The following GRIA1 variants were observed in gnomAD, a reference collection of about 807,000 sequenced individuals.
GRIA1 encodes the protein glutamate ionotropic receptor AMPA type subunit 1, also known as glutamate receptor 1.
Under a neutral mutation model 99.2 loss-of-function variants are expected in GRIA1, and 31 were observed. The observed-to-expected ratio is 0.31, with a 90% CI of 0.23 to 0.42. The LOEUF is 0.42. GRIA1 is among the 10% of genes least tolerant of loss of function. The probability of loss-of-function intolerance (pLI) is 1.00; values close to 1 mark genes in which losing one functional copy is unlikely to be tolerated. For synonymous variants in GRIA1, 438 were observed against 432.4 expected, an observed-to-expected ratio of 1.01 and a Z score of -0.16; for missense variants, 782 against 1,157.5, an observed-to-expected ratio of 0.68 and a Z score of 4.71.
chr5:153,704,266 G>T (rs1402868681), intron 10 of GRIA1, among the ~76,000 whole-genome samples: 1 of 152,242 alleles, frequency 6.6e-6, no homozygotes, highest in Non-Finnish European at 1.5e-5. Context: ...CTGGGCTGTT[G>T]TACAGCATAA....
chr5:153,679,038 C>A lies in GRIA1; in HGVS notation c.1029+1877C>A, dbSNP rs569060773. ...GTAGTGTATACTTAGCACACTGCTTCTGCCCTCAGTAGGGTTTGAAAGGAA... is the reference window on the plus strand; with the variant it reads ...GTAGTGTATACTTAGCACACTGCTTATGCCCTCAGTAGGGTTTGAAAGGAA... On this transcript the variant is annotated intron_variant, in intron 7 of 15. Transcript: ENST00000285900. 9.2e-5 allele frequency among the ~76,000 whole-genome samples: 14 copies of A among 152,338 alleles called. No individual in the cohort carries two copies. In the South Asian group the frequency reaches 2.7e-3, roughly 29 times the overall value.
chr5:153,490,001 A>G (rs372115794), upstream of GRIA1, among the ~76,000 whole-genome samples: 4 of 152,186 alleles, frequency 2.6e-5, no homozygotes, highest in African/African-American at 9.7e-5. Context: ...ATACCTGGTC[A>G]AAATACCTGC....
chr5:153,686,932 T>A (rs1561767891), intron 8 of GRIA1, among the ~76,000 whole-genome samples: 7 of 152,158 alleles, frequency 4.6e-5, no homozygotes, highest in Admixed American at 2.0e-4. Flanking sequence ...ACTTCCTTCA[T>A]CTCTCCACTC....
chr5:153,693,635 A>G (rs1301270508), intron 8 of GRIA1, among the ~76,000 whole-genome samples: 1 of 152,206 alleles, frequency 6.6e-6, no homozygotes, highest in African/African-American at 2.4e-5. Context: ...CTACATTCAA[A>G]GAATCTTTAG....
intron 11 of GRIA1, among the ~76,000 whole-genome samples, chr5:153,717,435 T>C (rs1759745547): frequency 6.6e-6 from 1 of 152,050 alleles, no homozygotes; most frequent in Non-Finnish European, 1.5e-5. Flanking sequence ...CCAATACCAA[T>C]GAATACCTAG....
At chr5:153,773,110 G>A (rs1262994240) in intron 13 of GRIA1, among the ~76,000 whole-genome samples, 2 of 152,180 alleles carry the variant, frequency 1.3e-5, no homozygotes, top group African/African-American at 2.4e-5. Context: ...CCATCATTGA[G>A]TCAGTGCCTA....
chr5:153,737,211 C>A (rs1761439210), intron 11 of GRIA1, among the ~76,000 whole-genome samples: 1 of 145,922 alleles, frequency 6.9e-6, no homozygotes. Flanking sequence ...GCATTAATCT[C>A]ATCTCATCTT....
At chr5:153,730,986 G>A (rs1760970881) in intron 11 of GRIA1, among the ~76,000 whole-genome samples, 1 of 152,038 alleles carries the variant, frequency 6.6e-6, no homozygotes, top group Non-Finnish European at 1.5e-5. Flanking sequence ...CATGAGGTTA[G>A]ACTTATGTTC....
At position 153,813,843 on chromosome 5, in the gene GRIA1, G is replaced by A. The variant is rs772857693; in HGVS notation, c.*2618G>A. On this transcript the variant is annotated 3_prime_UTR_variant, in exon 16 of 16. Coordinates refer to ENST00000285900, the MANE Select transcript of GRIA1 (RefSeq NM_000827.4). ...ATTTGCATAAAATGAAAATATCACC[G>A]AATATTAAATCACTGTGGATCCATT... 8 of 152,068 alleles carry A rather than the reference G, an allele frequency of 5.3e-5. No homozygotes were observed. The highest frequency in any genetic ancestry group is 3.9e-4 in the Admixed American group (6 of 15,258). The allele number at this position is 152,068 out of a possible 1,614,324, so 9.4% of individuals were successfully genotyped here.
At chr5:153,699,992 A>G (rs1166449332) in intron 10 of GRIA1, among the ~76,000 whole-genome samples, 2 of 152,362 alleles carry the variant, frequency 1.3e-5, no homozygotes, top group Admixed American at 1.3e-4. Flanking sequence ...AAAAGGTAGT[A>G]TAGAATAAGG....
chr5:153,772,513 CAA>C (rs972406075), intron 13 of GRIA1, among the ~76,000 whole-genome samples: 6 of 151,878 alleles, frequency 4.0e-5, no homozygotes, highest in African/African-American at 1.5e-4. Flanking sequence ...TGTCTTTATT[CAA>C]AGAGGAATGA....
chr5:153,686,113 G>T (rs1411359218), intron 7 of GRIA1, 112 bp from the exon 8 acceptor site: 1 of 796,274 alleles, frequency 1.3e-6, no homozygotes, highest in Non-Finnish European at 2.2e-6. Flanking sequence ...GATACTCCAA[G>T]ACATCATTCC....
intron 14 of GRIA1, among the ~76,000 whole-genome samples, chr5:153,798,105 A>G (rs1202764690): frequency 6.6e-6 from 1 of 152,110 alleles, no homozygotes; most frequent in Admixed American, 6.5e-5. Context: ...TTCTTCCTGA[A>G]TGTGTTCATG....
chr5:153,636,156 G>A (rs970756776), intron 2 of GRIA1, among the ~76,000 whole-genome samples: 3 of 152,064 alleles, frequency 2.0e-5, no homozygotes, highest in African/African-American at 7.2e-5. Flanking sequence ...GGAATACGTG[G>A]GCTCAGACGT....
chr5:153,635,211 C>T (rs926792738), intron 2 of GRIA1, among the ~76,000 whole-genome samples: 4 of 152,014 alleles, frequency 2.6e-5, no homozygotes, highest in South Asian at 2.1e-4. Flanking sequence ...TGCCACTCAC[C>T]CAAGGAACAG....
chr5:153,701,599 C>G (rs574235901), intron 10 of GRIA1, among the ~76,000 whole-genome samples: 2 of 79,542 alleles, frequency 2.5e-5, no homozygotes, highest in Non-Finnish European at 5.0e-5. Flanking sequence ...CCAGCCTGGG[C>G]GACAAAGCGA....
intron 2 of GRIA1, among the ~76,000 whole-genome samples, chr5:153,637,095 G>T (rs529312082): frequency 6.6e-6 from 1 of 152,174 alleles, no homozygotes; most frequent in East Asian, 1.9e-4. Context: ...GAAGTGCCAA[G>T]AATAGAATTT....
intron 11 of GRIA1, among the ~76,000 whole-genome samples, chr5:153,747,059 A>G (rs1762205055): frequency 6.6e-6 from 1 of 152,134 alleles, no homozygotes; most frequent in African/African-American, 2.4e-5. Flanking sequence ...ACAAAAGGGG[A>G]TGTGTTAGTT....
In GRIA1 at chr5:153,601,329, A is replaced by G. The variant is rs1764938372; in HGVS notation, c.221-45599A>G. Among the ~76,000 whole-genome samples the G allele has an allele frequency of 3.3e-5, 5 of 152,294 alleles. No individual in the cohort carries two copies. In the South Asian group the frequency reaches 1.0e-3, roughly 32 times the overall value. ...GTCTGATTCTGTGATCCATATTCTT[A>G]CTTTTTAACTTCTTATTTCCAGAAA... is the stretch of plus-strand genomic sequence containing the variant. On this transcript the variant is annotated intron_variant, in intron 2 of 15. Coordinates refer to ENST00000285900, the MANE Select transcript of GRIA1 (RefSeq NM_000827.4).
Sources: gnomAD v4.1 joint callset for allele counts (sites outside exome capture counted in the v4.1 genomes callset) on GRCh38, gnomAD v4.1.1 for gene constraint, MANE v1.5 for transcripts, NCBI Gene and HGNC (gene_info 2026-07-23, HGNC 2026-07-21) for gene names.